ADAMTS3: variants seen among roughly 807,000 people sequenced by gnomAD.
ADAMTS3 encodes ADAM metallopeptidase with thrombospondin type 1 motif 3.
Under a neutral mutation model 129.0 loss-of-function variants are expected in ADAMTS3, and 73 were observed. The observed-to-expected ratio is 0.57, with a 90% CI of 0.47 to 0.69. The LOEUF is 0.69. Among genes scored for constraint, ADAMTS3 ranks in the 30% least tolerant of loss-of-function variants. ADAMTS3 has a pLI of 0.00. For missense variants in ADAMTS3, 1,457 were observed against 1,514.5 expected, an observed-to-expected ratio of 0.96 and a Z score of 0.63; for synonymous variants, 477 against 510.8, an observed-to-expected ratio of 0.93 and a Z score of 0.89.
chr4:72,295,610 C>A (rs1013860942), intron 19 of ADAMTS3, 44 bp downstream of exon 19: 5 of 1,575,692 alleles, frequency 3.2e-6, no homozygotes, highest in African/African-American at 1.4e-5. Flanking sequence ...GCAGTGAAGT[C>A]CTGATTTTGA....
intron 3 of ADAMTS3, among the ~76,000 whole-genome samples, chr4:72,543,654 A>T (rs566329825): frequency 1.3e-5 from 2 of 152,306 alleles, no homozygotes; most frequent in African/African-American, 4.8e-5. Context: ...TATATGAAGC[A>T]TTTAGAGAAG....
rs1349163614 is a variant in ADAMTS3 at position 72,282,364 on chromosome 4, T to TAA, written c.*770_*771dup. On this transcript the variant is annotated 3_prime_UTR_variant, in exon 22 of 22. Coordinates refer to ENST00000286657, the MANE Select transcript of ADAMTS3 (RefSeq NM_014243.3). ...ACTAAGACACCAATCCTTTAAATTATAAGTATAGAAGGCAATAGGTAAGCT... is the reference window on the plus strand; with the variant it reads ...ACTAAGACACCAATCCTTTAAATTATAAAAGTATAGAAGGCAATAGGTAAGCT... 1.3e-5 allele frequency: 2 copies of TAA among 152,234 alleles called. No homozygotes were observed. The highest frequency in any genetic ancestry group is 4.8e-5 in the African/African-American group (2 of 41,468). The allele number at this position is 152,234 out of a possible 1,614,324, so 9.4% of individuals were successfully genotyped here.
At chr4:72,488,080 G>T (rs1031278070) in intron 3 of ADAMTS3, among the ~76,000 whole-genome samples, 1 of 151,996 alleles carries the variant, frequency 6.6e-6, no homozygotes, top group Non-Finnish European at 1.5e-5. Context: ...ACACAATCAA[G>T]TCTTTTTTTA....
Position 72,311,305 on chromosome 4 carries a change from T to C in ADAMTS3, c.1922-124A>G, listed in dbSNP as rs1385439182. On this transcript the variant is annotated intron_variant, in intron 13 of 21. Transcript: ENST00000286657. ...TCCTGAAAACAAAAGGAATACCGTA[T>C]AAACAAATAAAATAAGGAGTAAGGA... The C allele has an allele frequency of 6.9e-6, 6 of 867,982 alleles. No homozygotes were observed. In the East Asian group the frequency reaches 1.7e-4, roughly 25 times the overall value. The allele number at this position is 867,982 out of a possible 1,614,324, so 53.8% of individuals were successfully genotyped here.
intron 4 of ADAMTS3, among the ~76,000 whole-genome samples, chr4:72,354,534 T>C (rs1030050876): frequency 1.3e-5 from 2 of 151,972 alleles, no homozygotes; most frequent in African/African-American, 4.8e-5. Flanking sequence ...TGGCTGAGCA[T>C]CACTTTAAGG....
At chr4:72,334,148 T>A (rs1403027048) in intron 5 of ADAMTS3, among the ~76,000 whole-genome samples, 2 of 152,066 alleles carry the variant, frequency 1.3e-5, no homozygotes, top group African/African-American at 2.4e-5. Context: ...AAGGTTTTCT[T>A]AATCATCATG....
chr4:72,543,413 C>G (rs891571994), intron 3 of ADAMTS3, among the ~76,000 whole-genome samples: 4 of 152,072 alleles, frequency 2.6e-5, no homozygotes, highest in Non-Finnish European at 5.9e-5. Context: ...TATGTGTACA[C>G]TCATGTTAAT....
At chr4:72,462,886 T>C (rs1184342917) in intron 3 of ADAMTS3, among the ~76,000 whole-genome samples, 1 of 151,420 alleles carries the variant, frequency 6.6e-6, no homozygotes, top group Non-Finnish European at 1.5e-5. Context: ...AGAAAGAAAA[T>C]TTTTAAAATA....
intron 4 of ADAMTS3, among the ~76,000 whole-genome samples, chr4:72,342,058 A>G (rs1720151879): frequency 6.6e-6 from 1 of 152,246 alleles, no homozygotes; most frequent in South Asian, 2.1e-4. Flanking sequence ...AAATTATGGC[A>G]AAGCTATGAC....
intron 4 of ADAMTS3, among the ~76,000 whole-genome samples, chr4:72,383,714 ACTAT>A (rs1240299126): frequency 6.6e-6 from 1 of 152,152 alleles, no homozygotes; most frequent in African/African-American, 2.4e-5. Context: ...CAAAAAGCAC[ACTAT>A]CTAGAGGACT....
intron 18 of ADAMTS3, among the ~76,000 whole-genome samples, chr4:72,296,800 G>A (rs1718820983): frequency 6.6e-6 from 1 of 152,034 alleles, no homozygotes; most frequent in Non-Finnish European, 1.5e-5. Flanking sequence ...TCCCTATCAT[G>A]TTATTTATGG....
chr4:72,442,190 G>A (rs1718135668), intron 3 of ADAMTS3: 1 of 151,874 alleles, frequency 6.6e-6, no homozygotes, highest in African/African-American at 2.4e-5. Flanking sequence ...TGTGGCTAGA[G>A]TGTCTCACAG....
intron 4 of ADAMTS3, among the ~76,000 whole-genome samples, chr4:72,353,300 A>G (rs1459783161): frequency 6.6e-6 from 1 of 151,944 alleles, no homozygotes; most frequent in Admixed American, 6.6e-5. Context: ...GAACTATAGT[A>G]CCCAATGTGC....
intron 3 of ADAMTS3, among the ~76,000 whole-genome samples, chr4:72,450,735 T>C (rs373853197): frequency 6.6e-6 from 1 of 151,668 alleles, no homozygotes; most frequent in African/African-American, 2.4e-5. Context: ...TGCAAGTCCA[T>C]TTCCAGCCGG....
chr4:72,558,416 C>T lies in ADAMTS3; in HGVS notation c.97+8958G>A, dbSNP rs1375265960. Among the ~76,000 whole-genome samples the T allele has an allele frequency of 2.6e-5, 4 of 151,646 alleles. 1 individual carries two copies. The highest frequency in any genetic ancestry group is 9.8e-5 in the African/African-American group (4 of 40,958). ...ACCAGCAACAGGGGACTAAGTCCTC[C>T]TGCTACCACCTCTCTGGTTCTCTCT... On this transcript the variant is annotated intron_variant, in intron 2 of 21. Coordinates refer to ENST00000286657, the MANE Select transcript of ADAMTS3 (RefSeq NM_014243.3).
At chr4:72,566,940 G>T (rs535618919) in intron 2 of ADAMTS3, among the ~76,000 whole-genome samples, 16 of 152,198 alleles carry the variant, frequency 1.1e-4, no homozygotes, top group Non-Finnish European at 2.2e-4. Flanking sequence ...AAGCAGGAAA[G>T]ATTGTAAGAG....
intron 16 of ADAMTS3, among the ~76,000 whole-genome samples, chr4:72,305,311 T>C (rs1719053756): frequency 6.6e-6 from 1 of 152,064 alleles, no homozygotes; most frequent in Non-Finnish European, 1.5e-5. Context: ...CTGACACATG[T>C]CAGATATTAG....
chr4:72,397,923 TA>T (rs1483204732), intron 4 of ADAMTS3, among the ~76,000 whole-genome samples: 1 of 151,870 alleles, frequency 6.6e-6, no homozygotes, highest in Non-Finnish European at 1.5e-5. Context: ...GTAAACTATG[TA>T]GGATACAATT....
chr4:72,495,195 G>C (rs1460330093), intron 3 of ADAMTS3, among the ~76,000 whole-genome samples: 2 of 152,124 alleles, frequency 1.3e-5, no homozygotes, highest in Non-Finnish European at 2.9e-5. Context: ...ACAGCACTTG[G>C]AACCATGGAA....
Sources: allele counts gnomAD v4.1 joint callset (sites outside exome capture counted in the v4.1 genomes callset), GRCh38; gene constraint gnomAD v4.1.1; transcripts MANE v1.5; gene names NCBI Gene and HGNC (gene_info 2026-07-23, HGNC 2026-07-21).